PPM1E: variants seen among roughly 807,000 people sequenced by gnomAD.
PPM1E encodes the protein protein phosphatase, Mg2+/Mn2+ dependent 1E, also known as protein phosphatase 1E.
Under a neutral mutation model 65.9 loss-of-function variants are expected in PPM1E, and 20 were observed. The observed-to-expected ratio is 0.30, with a 90% CI of 0.21 to 0.44. PPM1E has a LOEUF of 0.44. Among genes scored for constraint, PPM1E ranks in the 20% least tolerant of loss-of-function variants. PPM1E has a pLI of 1.00. For missense variants in PPM1E, 713 were observed against 953.1 expected (o/e 0.75, Z 3.32); for synonymous variants, 352 against 374.9 (o/e 0.94, Z 0.70).
chr17:58,822,240 A>G (rs1213182822), intron 1 of PPM1E, among the ~76,000 whole-genome samples: 1 of 152,238 alleles, frequency 6.6e-6, no homozygotes, highest in African/African-American at 2.4e-5. Flanking sequence ...AATGAAGTAC[A>G]TATGCAACTA....
intron 1 of PPM1E, among the ~76,000 whole-genome samples, chr17:58,820,278 A>T (rs1328875945): frequency 6.6e-6 from 1 of 152,104 alleles, no homozygotes. Context: ...AACGGCATGA[A>T]TTTTTATATC....
At chr17:58,963,980 T>C (rs2030131369) in intron 2 of PPM1E, among the ~76,000 whole-genome samples, 1 of 152,176 alleles carries the variant, frequency 6.6e-6, no homozygotes, top group Non-Finnish European at 1.5e-5. Context: ...GGACAAAACC[T>C]TGAGGTCAGC....
chr17:58,910,575 T>TA (rs1371214446), intron 1 of PPM1E, among the ~76,000 whole-genome samples: 5 of 152,226 alleles, frequency 3.3e-5, no homozygotes, highest in Non-Finnish European at 7.3e-5. Context: ...AGACATGATG[T>TA]ATAGGGTAAA....
At chr17:58,913,539 C>T (rs189926699) in intron 1 of PPM1E, among the ~76,000 whole-genome samples, 20 of 152,190 alleles carry the variant, frequency 1.3e-4, no homozygotes, top group African/African-American at 4.3e-4. Context: ...GTGTAATAAA[C>T]GTAGAGCCAG....
At chr17:58,819,611 G>A (rs2050459811) in intron 1 of PPM1E, among the ~76,000 whole-genome samples, 1 of 152,138 alleles carries the variant, frequency 6.6e-6, no homozygotes, top group African/African-American at 2.4e-5. Flanking sequence ...GGCTGTACAG[G>A]TAGTATAGTG....
At chr17:58,776,359 A>G (rs576535747) in intron 1 of PPM1E, among the ~76,000 whole-genome samples, 1 of 152,288 alleles carries the variant, frequency 6.6e-6, no homozygotes, top group Non-Finnish European at 1.5e-5. Context: ...GATTGACCCA[A>G]ATGAAAATCT....
At chr17:58,790,331 G>A (rs886775203) in intron 1 of PPM1E, among the ~76,000 whole-genome samples, 12 of 151,984 alleles carry the variant, frequency 7.9e-5, no homozygotes, top group African/African-American at 2.9e-4. Context: ...TTCAAAACTG[G>A]TGACATGAGC....
At chr17:58,919,069 G>A (rs753147773) in intron 1 of PPM1E, among the ~76,000 whole-genome samples, 1 of 152,130 alleles carries the variant, frequency 6.6e-6, no homozygotes, top group Non-Finnish European at 1.5e-5. Flanking sequence ...ATAGTCTCCA[G>A]AGTTGTAATT....
At chr17:58,779,533 AAGTG>A (rs929592074) in intron 1 of PPM1E, among the ~76,000 whole-genome samples, 1 of 152,098 alleles carries the variant, frequency 6.6e-6, no homozygotes, top group African/African-American at 2.4e-5. Flanking sequence ...CATCCCTTTG[AAGTG>A]ATTTTGTATT....
At chr17:58,973,102 T>C (rs545620160) in intron 6 of PPM1E, among the ~76,000 whole-genome samples, 177 bp downstream of exon 6, 15 of 152,332 alleles carry the variant, frequency 9.8e-5, no homozygotes, top group African/African-American at 3.6e-4. Context: ...AACCTGTACA[T>C]TTATATACTT....
At chr17:58,973,003 C>T (rs996219268) in intron 6 of PPM1E, 78 bp downstream of exon 6, 38 of 922,052 alleles carry the variant, frequency 4.1e-5, no homozygotes, top group Non-Finnish European at 5.8e-5. Flanking sequence ...ATACAGGGAA[C>T]CTGAGATGAT....
chr17:58,948,840 T>C (rs574174836), intron 1 of PPM1E, among the ~76,000 whole-genome samples: 1 of 152,238 alleles, frequency 6.6e-6, no homozygotes. Flanking sequence ...TCACTTGTTA[T>C]TGGTTTCTAG....
Position 58,983,098 on chromosome 17 carries a change from T to C in PPM1E, c.*2067T>C, listed in dbSNP as rs2031466022. ...TACTACACATGCTAGGCTTTCTCAG[T>C]GGGGAAAAAAATGGCTGGATAGAAC... On this transcript the variant is annotated 3_prime_UTR_variant, in exon 7 of 7. Coordinates refer to ENST00000308249, the MANE Select transcript of PPM1E (RefSeq NM_014906.5). 8.7e-6 allele frequency: 5 copies of C among 575,260 alleles called. No individual in the cohort carries two copies. Among genetic ancestry groups the C allele is most frequent in the Admixed American group, 6.3e-5 (2 of 31,988 alleles). The allele number at this position is 575,260 out of a possible 1,614,324, so 35.6% of individuals were successfully genotyped here.
chr17:58,813,472 C>G (rs2050389220), intron 1 of PPM1E, among the ~76,000 whole-genome samples: 2 of 152,094 alleles, frequency 1.3e-5, no homozygotes, highest in South Asian at 4.2e-4. Context: ...GCTCCTTATC[C>G]CAATGAAAAC....
Position 58,837,334 on chromosome 17 carries a change from C to CACAT in PPM1E, c.464+80876_464+80877insTACA, listed in dbSNP as rs1463585304. On this transcript the variant is annotated intron_variant, in intron 1 of 6. Coordinates refer to ENST00000308249, the MANE Select transcript of PPM1E (RefSeq NM_014906.5). Reference sequence around the variant, plus strand: ...AGAATGAGAATAACACACACACATACACACACACACACACACACACACACA... The same window carrying CACAT: ...AGAATGAGAATAACACACACACATACACATACACACACACACACACACACACACA... Among the ~76,000 whole-genome samples, 349 of 99,090 alleles carry CACAT rather than the reference C, an allele frequency of 3.5e-3. 1 individual carries two copies. Among genetic ancestry groups the CACAT allele is most frequent in the African/African-American group, 5.5e-3 (164 of 29,988 alleles). 65.0% of individuals were successfully genotyped at this position (99,090 alleles called of 152,430 possible).
intron 1 of PPM1E, among the ~76,000 whole-genome samples, chr17:58,869,380 C>T (rs2051043630): frequency 6.6e-6 from 1 of 152,156 alleles, no homozygotes; most frequent in East Asian, 1.9e-4. Flanking sequence ...ATGTTTGGCT[C>T]ATGGGGGCAG....
chr17:58,830,691 A>T (rs1261067520), intron 1 of PPM1E, among the ~76,000 whole-genome samples: 27 of 150,636 alleles, frequency 1.8e-4, no homozygotes, highest in South Asian at 1.5e-3. Flanking sequence ...TTTATTTTTT[A>T]TTATTATTTT....
chr17:58,945,167 C>T (rs1478824202), intron 1 of PPM1E, among the ~76,000 whole-genome samples: 2 of 146,074 alleles, frequency 1.4e-5, no homozygotes, highest in African/African-American at 2.5e-5. Context: ...TTTTTCGAGA[C>T]TGAGTCTCAC....
intron 1 of PPM1E, among the ~76,000 whole-genome samples, chr17:58,844,353 CAAT>C (rs751338956): frequency 3.3e-5 from 5 of 151,452 alleles, no homozygotes; most frequent in African/African-American, 1.2e-4. Context: ...ATAAGGGTAA[CAAT>C]AAAAGGAAGA....
Sources: gnomAD v4.1 joint callset for allele counts (sites outside exome capture counted in the v4.1 genomes callset) on GRCh38, gnomAD v4.1.1 for gene constraint, MANE v1.5 for transcripts, NCBI Gene and HGNC (gene_info 2026-07-23, HGNC 2026-07-21) for gene names.